Variants in BABAM2 observed in about 807,000 individuals in gnomAD.
The protein encoded by BABAM2 is BRISC and BRCA1 A complex member 2, also known as BRISC and BRCA1-A complex member 2.
Under a neutral mutation model 54.7 loss-of-function variants are expected in BABAM2, and 31 were observed. That is an observed-to-expected ratio of 0.57 (90% CI 0.43 to 0.77). BABAM2 has a LOEUF of 0.77. Ranked by LOEUF, BABAM2 falls within the 30% of genes least tolerant of loss-of-function variation. The probability of loss-of-function intolerance (pLI) is 0.00; values close to 1 mark genes in which losing one functional copy is unlikely to be tolerated. For synonymous variants in BABAM2, 167 were observed against 162.9 expected, an observed-to-expected ratio of 1.03 and a Z score of -0.19; for missense variants, 364 against 455.8, an observed-to-expected ratio of 0.80 and a Z score of 1.83.
At chr2:27,889,654 TTA>T (rs1664663861), upstream of BABAM2, among the ~76,000 whole-genome samples, 2 of 152,224 alleles carry the variant, frequency 1.3e-5, no homozygotes, top group African/African-American at 2.4e-5. Flanking sequence ...AATACTGTGT[TTA>T]TGTTTTTATT....
At chr2:28,023,616 T>C (rs1004042829) in intron 4 of BABAM2, among the ~76,000 whole-genome samples, 4 of 152,182 alleles carry the variant, frequency 2.6e-5, no homozygotes, top group Non-Finnish European at 1.5e-5. Flanking sequence ...ATGCTGAAGC[T>C]CTTACCTTTT....
rs149681720 is a variant in BABAM2, at chr2:28,026,001, A to G, written c.495+581A>G. Among the ~76,000 whole-genome samples the G allele has an allele frequency of 6.3e-3, 963 of 152,250 alleles. 7 individuals carry two copies. Among genetic ancestry groups the G allele is most frequent in the Non-Finnish European group, 7.9e-3 (537 of 68,006 alleles). ...CTTCCAGTGGTATAAAAAACTCTAT[A>G]TGGAGAAATGCAAATCAAAATCACA... On this transcript the variant is annotated intron_variant, in intron 5 of 11. Coordinates refer to ENST00000379624, the MANE Select transcript of BABAM2 (RefSeq NM_199191.3).
At chr2:28,197,031 G>C (rs1011157347) in intron 7 of BABAM2, among the ~76,000 whole-genome samples, 1 of 151,340 alleles carries the variant, frequency 6.6e-6, no homozygotes, top group African/African-American at 2.4e-5. Context: ...ATTTTTTATA[G>C]AGATGGGATC....
intron 7 of BABAM2, among the ~76,000 whole-genome samples, chr2:28,218,424 T>C (rs1365924898): frequency 6.6e-6 from 1 of 152,238 alleles, no homozygotes; most frequent in Non-Finnish European, 1.5e-5. Context: ...ATTTTTTAAA[T>C]CCGGAACAGT....
chr2:27,905,873 C>T (rs2148290710), intron 2 of BABAM2, among the ~76,000 whole-genome samples: 1 of 152,298 alleles, frequency 6.6e-6, no homozygotes, highest in Non-Finnish European at 1.5e-5. Context: ...ACCATGGCTT[C>T]CTCTGACCCT....
intron 3 of BABAM2, among the ~76,000 whole-genome samples, chr2:27,959,662 C>T (rs1015546108): frequency 7.9e-5 from 12 of 152,018 alleles, no homozygotes; most frequent in Admixed American, 2.0e-4. Context: ...GTAGATAACT[C>T]GCTGTCACAG....
At chr2:28,185,611 C>T (rs1052200352) in intron 7 of BABAM2, among the ~76,000 whole-genome samples, 1 of 151,962 alleles carries the variant, frequency 6.6e-6, no homozygotes, top group Non-Finnish European at 1.5e-5. Flanking sequence ...CCTTGGCCAG[C>T]GTCAGTGCAT....
At chr2:28,213,651 C>A (rs544674578) in intron 7 of BABAM2, among the ~76,000 whole-genome samples, 1 of 151,942 alleles carries the variant, frequency 6.6e-6, no homozygotes, top group East Asian at 1.9e-4. Context: ...AAAAATTGAA[C>A]TTAAGATGTA....
In BABAM2 at chr2:27,904,513, C is replaced by T. The variant is rs566705139; in HGVS notation, c.128+9829C>T. 3.3e-5 allele frequency among the ~76,000 whole-genome samples: 5 copies of T among 152,262 alleles called. No individual in the cohort carries two copies. In the South Asian group the frequency reaches 1.0e-3, roughly 32 times the overall value. On this transcript the variant is annotated intron_variant, in intron 2 of 11. Coordinates refer to ENST00000379624, the MANE Select transcript of BABAM2 (RefSeq NM_199191.3). ...TACAGTGAAGCTCAGTCGTTGACAA[C>T]ACCCATGTATAAAGGGCTTCAAATT...
chr2:28,260,641 C>T (rs1684420789), intron 10 of BABAM2, among the ~76,000 whole-genome samples: 1 of 152,122 alleles, frequency 6.6e-6, no homozygotes, highest in Non-Finnish European at 1.5e-5. Flanking sequence ...TAGTCTTTTA[C>T]ATCCTTTGCC....
intron 4 of BABAM2, among the ~76,000 whole-genome samples, chr2:28,020,306 T>C (rs964086100): frequency 2.6e-5 from 4 of 152,138 alleles, no homozygotes; most frequent in Non-Finnish European, 5.9e-5. Flanking sequence ...AAGTGTGAAA[T>C]AAAAGATGTG....
chr2:27,968,082 T>C (rs1670952577), intron 3 of BABAM2, among the ~76,000 whole-genome samples: 1 of 152,220 alleles, frequency 6.6e-6, no homozygotes, highest in Non-Finnish European at 1.5e-5. Context: ...AGGAGCCGAA[T>C]GTTGATCCTC....
At chr2:28,006,003 A>G (rs890504951) in intron 4 of BABAM2, among the ~76,000 whole-genome samples, 2 of 152,136 alleles carry the variant, frequency 1.3e-5, no homozygotes, top group African/African-American at 4.8e-5. Flanking sequence ...TCATCAAATA[A>G]CCAGTCATTG....
chr2:27,998,655 T>G (rs960863941), intron 4 of BABAM2, among the ~76,000 whole-genome samples: 1 of 152,194 alleles, frequency 6.6e-6, no homozygotes, highest in African/African-American at 2.4e-5. Flanking sequence ...TTGTTACTCA[T>G]AGAGAGTTCC....
intron 7 of BABAM2, among the ~76,000 whole-genome samples, chr2:28,172,091 G>T (rs1299474435): frequency 2.0e-4 from 8 of 40,770 alleles, no homozygotes; most frequent in South Asian, 9.5e-4. Flanking sequence ...TTTGAAATGT[G>T]TGTGTGTGTG....
rs563188072 is a variant in BABAM2 at position 28,310,235 on chromosome 2, A to G, written c.1088+11744A>G. 6.6e-6 allele frequency: 9 copies of G among 1,364,042 alleles called. No individual in the cohort carries two copies. The African/African-American group carries it at 7.1e-5, about 11-fold the overall frequency. 84.5% of individuals were successfully genotyped at this position (1,364,042 alleles called of 1,614,324 possible). ...GCTCCATTGAAAAGCCTGGCCATCA[A>G]TTACTGCCAATACAGCCCTCATCCC... On this transcript the variant is annotated intron_variant, in intron 11 of 11. Coordinates refer to ENST00000379624, the MANE Select transcript of BABAM2 (RefSeq NM_199191.3).
At chr2:28,241,138 TGATA>T (rs751122904) in intron 8 of BABAM2, among the ~76,000 whole-genome samples, 181 bp from the exon 9 acceptor site, 16 of 152,178 alleles carry the variant, frequency 1.1e-4, no homozygotes, top group Non-Finnish European at 1.3e-4. Context: ...ATTGATAGGT[TGATA>T]GATAGATGGA....
chr2:28,202,815 A>G (rs1052250649), intron 7 of BABAM2, among the ~76,000 whole-genome samples: 2 of 152,224 alleles, frequency 1.3e-5, no homozygotes, highest in Non-Finnish European at 1.5e-5. Context: ...AGGTAGTACA[A>G]TGTAAAAAGC....
intron 4 of BABAM2, chr2:27,996,522 T>C (rs1405878171): frequency 7.3e-6 from 1 of 137,620 alleles, no homozygotes; most frequent in Non-Finnish European, 1.7e-5. Flanking sequence ...ATTCTAAATG[T>C]TGTCTTACAA....
Sources: allele counts gnomAD v4.1 joint callset (sites outside exome capture counted in the v4.1 genomes callset), GRCh38; gene constraint gnomAD v4.1.1; transcripts MANE v1.5; gene names NCBI Gene and HGNC (gene_info 2026-07-23, HGNC 2026-07-21).